Variants in LMO1 observed in about 807,000 individuals in gnomAD.
LMO1 encodes rhombotin-1.
Under a neutral mutation model 18.0 loss-of-function variants are expected in LMO1, and 10 were observed. The ratio of observed to expected loss-of-function variants is 0.55; its 90% confidence interval spans 0.34 to 0.94. The LOEUF (loss-of-function observed/expected upper bound fraction) is 0.94. Ranked by LOEUF, LMO1 falls within the 40% of genes least tolerant of loss-of-function variation. The pLI, the probability that LMO1 is intolerant of heterozygous loss-of-function variation, is 0.02. For synonymous variants in LMO1, 77 were observed against 77.9 expected (o/e 0.99, Z 0.06); for missense variants, 183 against 205.7 (o/e 0.89, Z 0.68).
At chr11:8,237,980 C>A (rs928822904) in intron 1 of LMO1, among the ~76,000 whole-genome samples, 2 of 152,228 alleles carry the variant, frequency 1.3e-5, no homozygotes, top group Non-Finnish European at 2.9e-5. Flanking sequence ...GTACTTATAA[C>A]AATGTTTGGC....
At chr11:8,230,241 A>G in intron 2 of LMO1, 50 bp downstream of exon 2, 1 of 1,546,896 alleles carries the variant, frequency 6.5e-7, no homozygotes, top group Non-Finnish European at 8.9e-7. Context: ...GAGGATGGGG[A>G]GCTTTCTGAG....
upstream of LMO1, chr11:8,268,288 AC>A: frequency 1.7e-6 from 1 of 591,238 alleles, no homozygotes; most frequent in Non-Finnish European, 2.5e-6. Flanking sequence ...CCGGGAAGCC[AC>A]CCATCAGCCG....
At chr11:8,226,855 A>G in intron 3 of LMO1, 120 bp downstream of exon 3, 1 of 1,436,320 alleles carries the variant, frequency 7.0e-7, no homozygotes, top group Admixed American at 2.6e-5. Context: ...TGCACGCACC[A>G]CCACATACAC....
chr11:8,247,503 C>T (rs74052081), intron 1 of LMO1, among the ~76,000 whole-genome samples: 5,222 of 152,282 alleles, frequency 0.034, 249 homozygotes, highest in African/African-American at 0.11. Context: ...GAGCTGGGGC[C>T]ACACTGGGGC....
At chr11:8,261,460 A>G (rs1847184947) in intron 1 of LMO1, among the ~76,000 whole-genome samples, 1 of 152,200 alleles carries the variant, frequency 6.6e-6, no homozygotes, top group Admixed American at 6.5e-5. Context: ...GCAGAGCAAG[A>G]TCCTGGGTGC....
intron 1 of LMO1, among the ~76,000 whole-genome samples, chr11:8,254,217 T>G (rs758209756): frequency 1.3e-5 from 2 of 152,174 alleles, no homozygotes; most frequent in African/African-American, 4.8e-5. Context: ...CTGTCCACTT[T>G]CTAAATCAAT....
At chr11:8,264,847 G>A (rs1408435241), upstream of LMO1, among the ~76,000 whole-genome samples, 3 of 152,106 alleles carry the variant, frequency 2.0e-5, no homozygotes, top group Non-Finnish European at 4.4e-5. Flanking sequence ...TGGCCAGGCT[G>A]GTCTCGAACT....
chr11:8,250,918 G>A (rs975149812), intron 1 of LMO1, among the ~76,000 whole-genome samples: 1 of 152,196 alleles, frequency 6.6e-6, no homozygotes, highest in Non-Finnish European at 1.5e-5. Context: ...ACCTGCTCCA[G>A]GGGTCCCCTC....
chr11:8,266,332 G>C (rs117716836), upstream of LMO1, among the ~76,000 whole-genome samples: 2,525 of 152,212 alleles, frequency 0.017, 37 homozygotes, highest in Middle Eastern at 0.027. Flanking sequence ...TCCACTCACT[G>C]GGCAAGCAAG....
chr11:8,268,526 G>A, upstream of LMO1: 3 of 1,222,164 alleles, frequency 2.5e-6, no homozygotes, highest in South Asian at 8.4e-5. Flanking sequence ...CCGGCCGCCT[G>A]CGCTGCTCCC....
upstream of LMO1, among the ~76,000 whole-genome samples, chr11:8,264,301 G>C (rs188081341): frequency 1.3e-5 from 2 of 152,096 alleles, no homozygotes; most frequent in Non-Finnish European, 1.5e-5. Flanking sequence ...TCCATGGAGC[G>C]GGAGAGCTTA....
intron 1 of LMO1, among the ~76,000 whole-genome samples, chr11:8,242,383 A>C (rs1846810602): frequency 6.6e-6 from 1 of 152,134 alleles, no homozygotes; most frequent in Admixed American, 6.5e-5. Flanking sequence ...TCTGGCACAG[A>C]CCTAGCCTCC....
chr11:8,246,580 A>T (rs1413401255), intron 1 of LMO1, among the ~76,000 whole-genome samples: 2 of 152,224 alleles, frequency 1.3e-5, no homozygotes, highest in African/African-American at 2.4e-5. Context: ...TTTTGAGGTG[A>T]TAAAAATGTT....
At chr11:8,237,876 T>C (rs1952789102) in intron 1 of LMO1, among the ~76,000 whole-genome samples, 1 of 152,240 alleles carries the variant, frequency 6.6e-6, no homozygotes, top group Non-Finnish European at 1.5e-5. Context: ...ATTCTGGCTT[T>C]GGTGCTTCCC....
intron 1 of LMO1, among the ~76,000 whole-genome samples, chr11:8,263,075 C>G (rs1365064795): frequency 6.6e-6 from 1 of 151,856 alleles, no homozygotes; most frequent in African/African-American, 2.4e-5. Context: ...CAGTGCACAG[C>G]TCCTCGGCTC....
chr11:8,253,233 T>G (rs1438258533), intron 1 of LMO1, among the ~76,000 whole-genome samples: 1 of 152,070 alleles, frequency 6.6e-6, no homozygotes, highest in African/African-American at 2.4e-5. Context: ...AGAGCAATCC[T>G]CCCAAAGCTG....
chr11:8,226,152 T>A (rs1420880362), intron 3 of LMO1, among the ~76,000 whole-genome samples: 1 of 151,862 alleles, frequency 6.6e-6, no homozygotes, highest in Non-Finnish European at 1.5e-5. Flanking sequence ...TACTATACAC[T>A]GGGTACGGGG....
intron 1 of LMO1, among the ~76,000 whole-genome samples, chr11:8,247,364 A>T (rs1203498380): frequency 6.6e-6 from 1 of 152,176 alleles, no homozygotes; most frequent in African/African-American, 2.4e-5. Flanking sequence ...CCAGTCCACG[A>T]GGGTAGGAAG....
chr11:8,256,349 C>T (rs925265046), intron 1 of LMO1, among the ~76,000 whole-genome samples: 19 of 152,320 alleles, frequency 1.2e-4, no homozygotes, highest in Non-Finnish European at 2.2e-4. Context: ...AGGCCCAGTG[C>T]GCTGAAGTCA....
Sources: gnomAD v4.1 joint callset for allele counts (sites outside exome capture counted in the v4.1 genomes callset) on GRCh38, gnomAD v4.1.1 for gene constraint, MANE v1.5 for transcripts, NCBI Gene and HGNC (gene_info 2026-07-23, HGNC 2026-07-21) for gene names.